The following ZNF536 variants were observed in gnomAD, a reference collection of about 807,000 sequenced individuals.
ZNF536 encodes the protein zinc finger protein 536.
In ZNF536, 13 loss-of-function variants were observed where a neutral mutation model predicts 84.5. The ratio of observed to expected loss-of-function variants is 0.15; its 90% CI spans 0.10 to 0.24. The LOEUF is 0.24. ZNF536 is among the 10% of genes least tolerant of loss of function. The pLI, the probability that ZNF536 is intolerant of heterozygous loss-of-function variation, is 1.00. For synonymous variants in ZNF536, 811 were observed against 742.5 expected (o/e 1.09, Z -1.50); for missense variants, 1,536 against 1,747.5 (o/e 0.88, Z 2.16).
intron 1 of ZNF536, among the ~76,000 whole-genome samples, chr19:30,420,313 C>T (rs1009439711): frequency 1.3e-5 from 2 of 152,128 alleles, no homozygotes; most frequent in African/African-American, 4.8e-5. Context: ...TTGGAAGACC[C>T]CACAAGACCA....
intron 1 of ZNF536, among the ~76,000 whole-genome samples, chr19:30,379,257 C>T (rs147923078): frequency 3.3e-5 from 5 of 152,210 alleles, no homozygotes; most frequent in Non-Finnish European, 7.4e-5. Flanking sequence ...TTGGTCCTGG[C>T]CACTTCCTGA....
At chr19:30,377,537 G>A (rs148541262) in intron 1 of ZNF536, among the ~76,000 whole-genome samples, 4 of 152,218 alleles carry the variant, frequency 2.6e-5, no homozygotes, top group African/African-American at 9.6e-5. Context: ...GACAGAGTAG[G>A]GCGTTCAGGA....
intron 1 of ZNF536, among the ~76,000 whole-genome samples, chr19:30,693,362 C>T (rs184009559): frequency 6.6e-6 from 1 of 152,244 alleles, no homozygotes; most frequent in East Asian, 1.9e-4. Flanking sequence ...TAAAGCCCTG[C>T]CCATTTGTTT....
chr19:30,568,258 G>C (rs1276764083), intron 1 of ZNF536, among the ~76,000 whole-genome samples: 1 of 152,190 alleles, frequency 6.6e-6, no homozygotes, highest in Non-Finnish European at 1.5e-5. Context: ...AACAGCTCCT[G>C]ATATGTGAAG....
intron 2 of ZNF536, among the ~76,000 whole-genome samples, chr19:30,458,164 C>A (rs1011386181): frequency 6.6e-6 from 1 of 152,302 alleles, no homozygotes; most frequent in African/African-American, 2.4e-5. Flanking sequence ...CGGGGCCATG[C>A]GTTTAGTCAT....
At chr19:30,354,759 G>A (rs2146772197) in intron 3 of ZNF536, among the ~76,000 whole-genome samples, 1 of 152,310 alleles carries the variant, frequency 6.6e-6, no homozygotes. Context: ...AAGGGGGCAG[G>A]TATTAGAAAC....
At chr19:30,619,864 C>T (rs1448452788) in intron 1 of ZNF536, among the ~76,000 whole-genome samples, 1 of 152,136 alleles carries the variant, frequency 6.6e-6, no homozygotes, top group East Asian at 1.9e-4. Flanking sequence ...TGAACGGAAG[C>T]CAATAGGTGC....
At chr19:30,597,162 T>A (rs2047496101) in intron 1 of ZNF536, among the ~76,000 whole-genome samples, 1 of 152,238 alleles carries the variant, frequency 6.6e-6, no homozygotes, top group South Asian at 2.1e-4. Context: ...CAAGCATGCA[T>A]GCCCAGTTCT....
At position 30,444,860 on chromosome 19, in the gene ZNF536, G is replaced by A. The variant is rs1233854909; in HGVS notation, c.1298G>A (p.Cys433Tyr). ...AACCTGTACTCCAGGTACCTCTCCT[G>A]CCTGCAGAGTGGCTTCATGACCCCG... ...HANLYSRYLSCLQSGFMTPDK... is the reference protein window; with the variant it reads ...HANLYSRYLSYLQSGFMTPDK... The change falls in exon 2 of 5, where the codon TGC becomes TAC. Residue 433 changes from cysteine to tyrosine, a missense_variant. By Grantham distance (194) the Cys-to-Tyr change is radical. Transcript: ENST00000355537. 7 of 1,613,504 alleles carry A rather than the reference G, an allele frequency of 4.3e-6. No individual in the cohort carries two copies. Among genetic ancestry groups the A allele is most frequent in the Non-Finnish European group, 5.9e-6 (7 of 1,179,944 alleles).
chr19:30,463,245 G>T (rs1022480725), intron 2 of ZNF536, among the ~76,000 whole-genome samples: 60 of 152,158 alleles, frequency 3.9e-4, no homozygotes, highest in African/African-American at 1.3e-3. Flanking sequence ...TTAGAGGAGA[G>T]GTATCTGGGT....
At chr19:30,291,384 C>G (rs1238841753) in intron 2 of ZNF536, among the ~76,000 whole-genome samples, 4 of 152,218 alleles carry the variant, frequency 2.6e-5, no homozygotes, top group Non-Finnish European at 2.9e-5. Flanking sequence ...GCCATTCTAA[C>G]TGGTATGAGA....
At chr19:30,490,432 G>A (rs2054463318) in intron 2 of ZNF536, among the ~76,000 whole-genome samples, 2 of 152,120 alleles carry the variant, frequency 1.3e-5, no homozygotes, top group Non-Finnish European at 2.9e-5. Context: ...TTACAGATGA[G>A]AACACAGGGG....
chr19:30,445,455 C>T lies in ZNF536; in HGVS notation c.1893C>T (p.Thr631=), dbSNP rs201261663. 25 of 1,614,172 alleles carry T rather than the reference C, an allele frequency of 1.5e-5. No individual in the cohort carries two copies. The highest frequency in any genetic ancestry group is 1.9e-5 in the Non-Finnish European group (23 of 1,180,046). ...QGPGNMKEKP[T]ECPDCGRVFR... is the part of the protein sequence containing the mutation. ...CTGGGAACATGAAGGAGAAGCCCAC[C>T]GAGTGCCCCGACTGCGGCCGGGTGT... is the stretch of plus-strand genomic sequence containing the variant. Residue 631 remains threonine (T), a synonymous_variant, in exon 2 of 5, where the codon ACC becomes ACT. Transcript: ENST00000355537. This position sits in a 1 kb window ranked among gnomAD's most constrained non-coding sequence, Gnocchi z 4.5.
At chr19:30,633,080 A>C (rs2048948234) in intron 1 of ZNF536, among the ~76,000 whole-genome samples, 1 of 152,218 alleles carries the variant, frequency 6.6e-6, no homozygotes, top group Non-Finnish European at 1.5e-5. Context: ...AACTCTCAGC[A>C]TTCTATAATT....
At position 30,571,540 on chromosome 19, in the gene ZNF536, C is replaced by A. The variant is rs543342107; in HGVS notation, c.169+22026C>A. Among the ~76,000 whole-genome samples, 7 of 152,276 alleles carry A rather than the reference C, an allele frequency of 4.6e-5. No individual in the cohort carries two copies. The South Asian group carries it at 1.5e-3, about 32-fold the overall frequency. On this transcript the variant is annotated intron_variant, in intron 1 of 1. Transcript: ENST00000592773. ...CTGCTTTCATGCCATGGCAGCAAAG[C>A]AGAGAAAGTAACTTGGAAGACTCAG...
intron 1 of ZNF536, among the ~76,000 whole-genome samples, chr19:30,258,214 C>A (rs914670484): frequency 6.6e-6 from 1 of 152,154 alleles, no homozygotes; most frequent in Admixed American, 6.5e-5. Context: ...ATGAAGGTGT[C>A]GCCTACACAA....
intron 1 of ZNF536, among the ~76,000 whole-genome samples, chr19:30,434,211 C>T (rs1212095213): frequency 6.6e-6 from 1 of 152,190 alleles, no homozygotes; most frequent in East Asian, 1.9e-4. Context: ...AATGTATCAG[C>T]CCTTCTATAT....
At chr19:30,651,513 C>T (rs923607713) in intron 1 of ZNF536, among the ~76,000 whole-genome samples, 2 of 152,090 alleles carry the variant, frequency 1.3e-5, no homozygotes, top group Non-Finnish European at 2.9e-5. Flanking sequence ...AGAATAAGCA[C>T]GAGGAAATTG....
intron 1 of ZNF536, among the ~76,000 whole-genome samples, chr19:30,626,903 T>C (rs2048702136): frequency 6.6e-6 from 1 of 152,196 alleles, no homozygotes; most frequent in African/African-American, 2.4e-5. Flanking sequence ...TGCCCTCCCG[T>C]CCTTCCCGGG....
Sources: allele counts gnomAD v4.1 joint callset (sites outside exome capture counted in the v4.1 genomes callset), GRCh38; gene constraint gnomAD v4.1.1; non-coding constraint Gnocchi (gnomAD v3.1); transcripts MANE v1.5; gene names NCBI Gene and HGNC (gene_info 2026-07-23, HGNC 2026-07-21).